The following KIF16B variants were observed in gnomAD, a reference collection of about 807,000 sequenced individuals.
KIF16B encodes kinesin-like protein KIF16B.
A neutral mutation model predicts 156.3 loss-of-function variants in KIF16B; 98 were observed. That is an observed-to-expected ratio of 0.63 (90% CI 0.53 to 0.74). The LOEUF is 0.74. Among genes scored for constraint, KIF16B ranks in the 30% least tolerant of loss-of-function variants. The pLI, the probability that KIF16B is intolerant of heterozygous loss-of-function variation, is 0.00. For missense variants in KIF16B, 1,421 were observed against 1,606.5 expected, an observed-to-expected ratio of 0.88 and a Z score of 1.97; for synonymous variants, 564 against 583.7, an observed-to-expected ratio of 0.97 and a Z score of 0.49.
At chr20:16,389,597 C>T (rs552592419) in intron 17 of KIF16B, among the ~76,000 whole-genome samples, 1 of 152,314 alleles carries the variant, frequency 6.6e-6, no homozygotes, top group Middle Eastern at 3.4e-3. Flanking sequence ...TCAGCCTTCT[C>T]AAGCACCTCA....
chr20:16,298,662 TAAAAG>T (rs2063426687), intron 25 of KIF16B, among the ~76,000 whole-genome samples: 1 of 152,058 alleles, frequency 6.6e-6, no homozygotes, highest in Non-Finnish European at 1.5e-5. Flanking sequence ...GCAAAGACCC[TAAAAG>T]AAAGACCATC....
intron 12 of KIF16B, among the ~76,000 whole-genome samples, chr20:16,449,641 G>A (rs1261047399): frequency 6.6e-6 from 1 of 152,178 alleles, no homozygotes; most frequent in African/African-American, 2.4e-5. Context: ...CAAAATAAAG[G>A]CTGATCTCAA....
Position 16,442,478 on chromosome 20 carries a change from A to G in KIF16B, c.1303-12496T>C, listed in dbSNP as rs369714057. Among the ~76,000 whole-genome samples the G allele has an allele frequency of 1.3e-4, 19 of 150,944 alleles. No homozygotes were observed. In the East Asian group the frequency reaches 3.1e-3, roughly 25 times the overall value. ...TCCACATCAATTTTAAAAATAAATA[A>G]ATTTGATAAATCACACCTTGAAAAA... On this transcript the variant is annotated intron_variant, in intron 12 of 25. Coordinates refer to ENST00000354981, the MANE Select transcript of KIF16B (RefSeq NM_024704.5).
At chr20:16,524,876 G>C (rs893020623) in intron 3 of KIF16B, among the ~76,000 whole-genome samples, 4 of 152,182 alleles carry the variant, frequency 2.6e-5, no homozygotes, top group African/African-American at 9.7e-5. Flanking sequence ...GTCCTTTGCA[G>C]GGACTCGGAT....
At chr20:16,301,479 C>T (rs887599817) in intron 25 of KIF16B, among the ~76,000 whole-genome samples, 1 of 152,166 alleles carries the variant, frequency 6.6e-6, no homozygotes, top group Non-Finnish European at 1.5e-5. Flanking sequence ...TATTGTACAA[C>T]CTCACCAGCA....
At chr20:16,343,305 T>C (rs552342781) in intron 23 of KIF16B, among the ~76,000 whole-genome samples, 6 of 152,318 alleles carry the variant, frequency 3.9e-5, no homozygotes, top group African/African-American at 9.6e-5. Context: ...ATTTATGTTA[T>C]ATACTTATTT....
intron 17 of KIF16B, among the ~76,000 whole-genome samples, chr20:16,389,529 AATGGTTTAGACAAAAAATGATTGACC>A (rs1269175952): frequency 6.6e-6 from 1 of 152,158 alleles, no homozygotes; most frequent in East Asian, 1.9e-4. Flanking sequence ...AGGGTTCTTC[AATGGTTTAGACAAAAAATGATTGACC>A]TTTTCACCAC....
intron 6 of KIF16B, among the ~76,000 whole-genome samples, chr20:16,508,313 T>C (rs2068850174): frequency 2.0e-5 from 3 of 152,176 alleles, no homozygotes; most frequent in African/African-American, 7.2e-5. Flanking sequence ...GCCGTGGACT[T>C]ACATAGTTAT....
At chr20:16,339,188 C>A (rs975445343) in intron 23 of KIF16B, among the ~76,000 whole-genome samples, 3 of 152,142 alleles carry the variant, frequency 2.0e-5, no homozygotes, top group Non-Finnish European at 4.4e-5. Context: ...ACTACTCTTA[C>A]CAAGGTTAGC....
In KIF16B at chr20:16,382,037, T is replaced by G. The variant is rs1220193428; in HGVS notation, c.1785-290A>C. 5 of 1,077,340 alleles carry G rather than the reference T, an allele frequency of 4.6e-6. No individual in the cohort carries two copies. The East Asian group carries it at 1.7e-4, about 37-fold the overall frequency. 66.7% of individuals were successfully genotyped at this position (1,077,340 alleles called of 1,614,324 possible). On this transcript the variant is annotated intron_variant, in intron 17 of 25. Coordinates refer to ENST00000354981, the MANE Select transcript of KIF16B (RefSeq NM_024704.5). ...AGAGTTAAACAAGACTTCTAAATGA[T>G]AAGCACGTCTACTCCATGCAGCTTA...
chr20:16,292,859 T>C (rs760027634), intron 25 of KIF16B, among the ~76,000 whole-genome samples: 3 of 152,202 alleles, frequency 2.0e-5, no homozygotes, highest in South Asian at 2.1e-4. Flanking sequence ...TTCAGGTTGA[T>C]AACAGTACTA....
intron 1 of KIF16B, among the ~76,000 whole-genome samples, chr20:16,545,317 G>A (rs6044104): frequency 0.48 from 73,205 of 151,560 alleles, 17,971 homozygotes; most frequent in Non-Finnish European, 0.52. Flanking sequence ...GATCACTTGA[G>A]TCCAGGAGTT....
At chr20:16,318,697 T>C (rs898034283) in intron 24 of KIF16B, among the ~76,000 whole-genome samples, 4 of 152,154 alleles carry the variant, frequency 2.6e-5, no homozygotes, top group African/African-American at 9.7e-5. Flanking sequence ...CAGATTCACT[T>C]TGAAAAATAA....
chr20:16,314,875 C>G (rs770317729), intron 24 of KIF16B, among the ~76,000 whole-genome samples: 7 of 152,120 alleles, frequency 4.6e-5, no homozygotes, highest in Non-Finnish European at 8.8e-5. Flanking sequence ...TGTTGCAGCT[C>G]AGAGAAGACA....
At chr20:16,331,926 G>C (rs1165737911) in intron 24 of KIF16B, among the ~76,000 whole-genome samples, 1 of 152,142 alleles carries the variant, frequency 6.6e-6, no homozygotes, top group Non-Finnish European at 1.5e-5. Context: ...TTGATCTCAA[G>C]TCTCAACAAA....
At chr20:16,383,062 T>C (rs943151972) in intron 17 of KIF16B, among the ~76,000 whole-genome samples, 1 of 152,176 alleles carries the variant, frequency 6.6e-6, no homozygotes, top group Non-Finnish European at 1.5e-5. Flanking sequence ...GGTGTGATCA[T>C]GGCTCGTTGC....
Position 16,497,673 on chromosome 20 carries a change from G to A in KIF16B, c.1182C>T (p.Ala394=). The change falls in exon 11 of 26, where the codon GCC becomes GCT. Residue 394 remains alanine, a synonymous_variant. Coordinates refer to ENST00000354981, the MANE Select transcript of KIF16B (RefSeq NM_024704.5). Reference sequence around the variant, plus strand: ...TTAAAGCTGTGGGGGAGTCTAAGAGGGCAATCTACAATATAAACCATAAAA... The same window carrying A: ...TTAAAGCTGTGGGGGAGTCTAAGAGAGCAATCTACAATATAAACCATAAAA... ...KTLLAQGNQI[A]LLDSPTALSM... is the part of the protein sequence containing the mutation. The A allele has an allele frequency of 1.2e-6, 2 of 1,605,938 alleles. No individual in the cohort carries two copies. Among genetic ancestry groups the A allele is most frequent in the Non-Finnish European group, 1.7e-6 (2 of 1,173,344 alleles).
chr20:16,379,302 G>GT lies in KIF16B; in HGVS notation c.2699dup (p.Tyr900Ter). Residue 900 changes from tyrosine to a stop codon, truncating the protein, a stop_gained and frameshift_variant, in exon 19 of 26, where the codon TAC becomes TAAC. Transcript: ENST00000354981. LOFTEE classifies it high-confidence loss of function. The stretch of plus-strand genomic sequence containing the variant: ...GCTGGCGTTCTTTATATTGCAGCCT[G>GT]TACTCCACTGGCTTTATTTTCTCGA... Reference protein sequence around the residue: ...QDFEKIKPVEYRLQYKERQLQ... With the variant: ...QDFEKIKPVE The GT allele has an allele frequency of 6.2e-7, 1 of 1,612,184 alleles. No individual in the cohort carries two copies. The highest frequency in any genetic ancestry group is 8.5e-7 in the Non-Finnish European group (1 of 1,179,496).
chr20:16,386,220 C>G (rs1326283794), intron 17 of KIF16B, among the ~76,000 whole-genome samples: 1 of 152,086 alleles, frequency 6.6e-6, no homozygotes, highest in African/African-American at 2.4e-5. Context: ...ACAGACTTCA[C>G]AGTGACGGGC....
Sources: gnomAD v4.1 joint callset for allele counts (sites outside exome capture counted in the v4.1 genomes callset) on GRCh38, gnomAD v4.1.1 for gene constraint, MANE v1.5 for transcripts, NCBI Gene and HGNC (gene_info 2026-07-23, HGNC 2026-07-21) for gene names.